PPP2R5D: variants seen among roughly 807,000 people sequenced by gnomAD.
The protein encoded by PPP2R5D is protein phosphatase 2 regulatory subunit B'delta, also known as serine/threonine-protein phosphatase 2A 56 kDa regulatory subunit delta isoform.
PPP2R5D carries 12 observed loss-of-function variants against 79.1 expected under a neutral mutation model. The observed-to-expected ratio is 0.15, with a 90% CI of 0.10 to 0.25. The LOEUF (loss-of-function observed/expected upper bound fraction) is 0.25, where lower values mean the gene tolerates loss of function less well. Among genes scored for constraint, PPP2R5D ranks in the 10% least tolerant of loss-of-function variants. PPP2R5D has a pLI of 1.00. For missense variants in PPP2R5D, 419 were observed against 760.2 expected, an observed-to-expected ratio of 0.55 and a Z score of 5.28; for synonymous variants, 277 against 286.6, an observed-to-expected ratio of 0.97 and a Z score of 0.34.
rs535811354 is a variant in PPP2R5D at position 43,007,098 on chromosome 6, G to A, written c.510G>A (p.Glu170=). The change falls in exon 4 of 16, where the codon GAG becomes GAA. Residue 170 remains glutamate (E), a synonymous_variant. Coordinates refer to ENST00000485511, the MANE Select transcript of PPP2R5D (RefSeq NM_006245.4). The surrounding 1 kb of genome is among the most constrained non-coding windows in gnomAD (Gnocchi z 4.5). ...RDVVTEAIYP[E]AVTMFSVNLF... ...TTGTCACTGAGGCCATTTACCCTGA[G>A]GCTGTCACCATGGTGGGCACAGGGA... 8.9e-5 allele frequency: 144 copies of A among 1,614,164 alleles called. 4 individuals carry two copies. The South Asian group carries it at 1.4e-3, about 16-fold the overall frequency.
At position 43,010,141 on chromosome 6, in the gene PPP2R5D, T is replaced by C. The variant is rs1193908128; in HGVS notation, c.1380-327T>C. On this transcript the variant is annotated intron_variant, in intron 12 of 15. Transcript: ENST00000485511. This position sits in a 1 kb window ranked among gnomAD's most constrained non-coding sequence, Gnocchi z 4.7. ...CACACTGTGGTGTAGATGCAGTCTG[T>C]CATGCTGCATCTACATGCCCATCAT... Among the ~76,000 whole-genome samples, 2 of 152,146 alleles carry C rather than the reference T, an allele frequency of 1.3e-5. No individual in the cohort carries two copies. Among genetic ancestry groups the C allele is most frequent in the Admixed American group, 1.3e-4 (2 of 15,274 alleles).
chr6:42,991,504 C>T (rs956685339), intron 2 of PPP2R5D, among the ~76,000 whole-genome samples: 1 of 152,176 alleles, frequency 6.6e-6, no homozygotes, highest in African/African-American at 2.4e-5. Flanking sequence ...CCTGGTAGCG[C>T]TGGTAGCACC....
intron 2 of PPP2R5D, among the ~76,000 whole-genome samples, chr6:42,989,890 C>G (rs528340545): frequency 6.6e-6 from 1 of 152,324 alleles, no homozygotes; most frequent in East Asian, 1.9e-4. Flanking sequence ...TCTAGTTCTT[C>G]AGACTCCCCA....
At position 43,012,101 on chromosome 6, in the gene PPP2R5D, A is replaced by G. The variant is rs73733788; in HGVS notation, c.*815A>G. 355 of 667,854 alleles carry G rather than the reference A, an allele frequency of 5.3e-4. 2 individuals carry two copies. In the African/African-American group the frequency reaches 6.2e-3, roughly 12 times the overall value. 41.4% of individuals were successfully genotyped at this position (667,854 alleles called of 1,614,324 possible). A position where few individuals can be genotyped will look rare whatever the true frequency, so the allele number is the denominator to read the frequency against. ...CGGTGCCCCAAGCATGGCTCCTGCC[A>G]ACACCTATTTATTTCCTTGTTTGTG... On this transcript the variant is annotated 3_prime_UTR_variant, in exon 16 of 16. Coordinates refer to ENST00000485511, the MANE Select transcript of PPP2R5D (RefSeq NM_006245.4).
rs1762330691 is a variant in PPP2R5D, at chr6:43,011,091, C to T, written c.1672-58C>T. 6.8e-6 allele frequency: 11 copies of T among 1,612,232 alleles called. No individual in the cohort carries two copies. In the South Asian group the frequency reaches 1.2e-4, roughly 18 times the overall value. On this transcript the variant is annotated intron_variant, in intron 15 of 15. Coordinates refer to ENST00000485511, the MANE Select transcript of PPP2R5D (RefSeq NM_006245.4). ...AGAGCCAAAGAATAAGGGGACGGAACAATAGAATTCACTGGGAATTGGTCA... is the reference window on the plus strand; with the variant it reads ...AGAGCCAAAGAATAAGGGGACGGAATAATAGAATTCACTGGGAATTGGTCA...
At chr6:42,995,684 C>G (rs1321166752) in intron 2 of PPP2R5D, among the ~76,000 whole-genome samples, 1 of 151,524 alleles carries the variant, frequency 6.6e-6, no homozygotes, top group Non-Finnish European at 1.5e-5. Context: ...TCCCAAGTAG[C>G]TGGGACTACA....
intron 2 of PPP2R5D, among the ~76,000 whole-genome samples, chr6:43,003,574 T>C (rs893008408): frequency 6.6e-6 from 1 of 152,098 alleles, no homozygotes; most frequent in African/African-American, 2.4e-5. Flanking sequence ...GCAGAAGTAA[T>C]CTAATTCTAC....
chr6:43,002,962 A>G (rs1761840288), intron 2 of PPP2R5D, among the ~76,000 whole-genome samples: 1 of 152,134 alleles, frequency 6.6e-6, no homozygotes, highest in African/African-American at 2.4e-5. Flanking sequence ...GTTTGGGGGC[A>G]AGGGCTGTCC....
intron 2 of PPP2R5D, among the ~76,000 whole-genome samples, chr6:42,991,509 A>G (rs1771262640): frequency 6.6e-6 from 1 of 152,174 alleles, no homozygotes; most frequent in African/African-American, 2.4e-5. Context: ...TAGCGCTGGT[A>G]GCACCTAACC....
Position 43,010,340 on chromosome 6 carries a change from G to A in PPP2R5D, c.1380-128G>A. On this transcript the variant is annotated intron_variant, in intron 12 of 15. Transcript: ENST00000485511. The surrounding 1 kb of genome is among the most constrained non-coding windows in gnomAD (Gnocchi z 4.7). The stretch of plus-strand genomic sequence containing the variant: ...AGCTCTCTTCTGATACTGCACAGAG[G>A]TTTGTGAACTGGAAGTAGTAAATGA... 1 of 737,944 alleles carries A rather than the reference G, an allele frequency of 1.4e-6. No individual in the cohort carries two copies. Among genetic ancestry groups the A allele is most frequent in the East Asian group, 2.6e-5 (1 of 38,900 alleles). 45.7% of individuals were successfully genotyped at this position (737,944 alleles called of 1,614,324 possible).
intron 2 of PPP2R5D, among the ~76,000 whole-genome samples, chr6:42,998,057 ATTTTTTTTTTTTTTTTT>A (rs1163890447): frequency 3.9e-4 from 5 of 12,784 alleles, no homozygotes; most frequent in Non-Finnish European, 7.7e-4. Flanking sequence ...ATATATATAT[ATTTTTTTTTTTTTTTTT>A]TTTTTTTTTT....
chr6:43,008,920 A>G lies in PPP2R5D; in HGVS notation c.1081-137A>G. ...TATATACACCTAGGAAACAGATCCA[A>G]GGCAAAGAAACGGGTAGCTGGCTGA... On this transcript the variant is annotated intron_variant, in intron 10 of 15. Coordinates refer to ENST00000485511, the MANE Select transcript of PPP2R5D (RefSeq NM_006245.4). This position sits in a 1 kb window ranked among gnomAD's most constrained non-coding sequence, Gnocchi z 4.2. The G allele has an allele frequency of 7.9e-7, 1 of 1,270,602 alleles. No homozygotes were observed. Among genetic ancestry groups the G allele is most frequent in the South Asian group, 1.4e-5 (1 of 71,642 alleles). The allele number at this position is 1,270,602 out of a possible 1,614,324, so 78.7% of individuals were successfully genotyped here.
chr6:43,012,075 G>T lies in PPP2R5D; in HGVS notation c.*789G>T. 4.8e-6 allele frequency: 2 copies of T among 420,544 alleles called. No homozygotes were observed. Among genetic ancestry groups the T allele is most frequent in the Non-Finnish European group, 6.4e-6 (2 of 311,944 alleles). 26.1% of individuals were successfully genotyped at this position (420,544 alleles called of 1,614,324 possible). On this transcript the variant is annotated 3_prime_UTR_variant, in exon 16 of 16. Coordinates refer to ENST00000485511, the MANE Select transcript of PPP2R5D (RefSeq NM_006245.4). ...AAAACTAGAAAGAAGGAAGCAGGGAGCGGTGCCCCAAGCATGGCTCCTGCC... is the reference window on the plus strand; with the variant it reads ...AAAACTAGAAAGAAGGAAGCAGGGATCGGTGCCCCAAGCATGGCTCCTGCC...
Position 43,009,092 on chromosome 6 carries a change from C to G in PPP2R5D, c.1116C>G (p.Thr372=), listed in dbSNP as rs1762233973. The G allele has an allele frequency of 1.2e-6, 2 of 1,613,956 alleles. No individual in the cohort carries two copies. The highest frequency in any genetic ancestry group is 1.7e-6 in the Non-Finnish European group (2 of 1,180,000). Residue 372 remains threonine (T), a synonymous_variant, in exon 11 of 16, where the codon ACC becomes ACG. Coordinates refer to ENST00000485511, the MANE Select transcript of PPP2R5D (RefSeq NM_006245.4). The surrounding 1 kb of genome is among the most constrained non-coding windows in gnomAD (Gnocchi z 5.6). Reference sequence around the variant, plus strand: ...GACTTCTCAAGTTTTGGCCCAAGACCCACAGCCCCAAGGAGGTGATGTTCT... The same window carrying G: ...GACTTCTCAAGTTTTGGCCCAAGACGCACAGCCCCAAGGAGGTGATGTTCT... ...IVGLLKFWPK[T]HSPKEVMFLN... is the part of the protein sequence containing the mutation.
Position 42,984,742 on chromosome 6 carries a change from G to A in PPP2R5D, c.27+38G>A, listed in dbSNP as rs1254184611. On this transcript the variant is annotated intron_variant, in intron 1 of 15. Transcript: ENST00000485511. ...CTTTTTCCCCCACCGCCGCCTTGGA[G>A]CCTGCGCGGAGCTCTGGGAGGGGCC... 4 of 1,610,442 alleles carry A rather than the reference G, an allele frequency of 2.5e-6. No homozygotes were observed. In the East Asian group the frequency reaches 9.0e-5, roughly 36 times the overall value.
intron 2 of PPP2R5D, among the ~76,000 whole-genome samples, chr6:43,005,639 G>A (rs1055876397): frequency 7.9e-6 from 1 of 126,128 alleles, no homozygotes; most frequent in Non-Finnish European, 1.7e-5. Context: ...TTTTTTTTTT[G>A]AGACAAAGTC....
chr6:42,991,937 G>A (rs976860339), intron 2 of PPP2R5D, among the ~76,000 whole-genome samples: 37 of 152,184 alleles, frequency 2.4e-4, no homozygotes, highest in African/African-American at 8.9e-4. Context: ...GTATGAGATG[G>A]CAGCAGGAAT....
chr6:43,010,888 T>C lies in PPP2R5D; in HGVS notation c.1562T>C (p.Met521Thr). The change falls in exon 15 of 16, where the codon ATG becomes ACG. Residue 521 changes from methionine (M) to threonine (T), a missense_variant. Around this residue, in one of 5 missense-constraint regions of PPP2R5D, gnomAD observed 84 missense variants for 105.4 expected, o/e 0.80. Coordinates refer to ENST00000485511, the MANE Select transcript of PPP2R5D (RefSeq NM_006245.4). The surrounding 1 kb of genome is among the most constrained non-coding windows in gnomAD (Gnocchi z 4.7). ...ELARLNPQYPMFRAPPPLPPV... is the reference protein window; with the variant it reads ...ELARLNPQYPTFRAPPPLPPV... ...CCATGTCTCCTCACTCAGTATCCCA[T>C]GTTCCGAGCCCCTCCACCACTGCCC... is the stretch of plus-strand genomic sequence containing the variant. The C allele has an allele frequency of 2.5e-6, 4 of 1,613,428 alleles. No homozygotes were observed. The highest frequency in any genetic ancestry group is 3.4e-6 in the Non-Finnish European group (4 of 1,179,588).
intron 2 of PPP2R5D, among the ~76,000 whole-genome samples, chr6:43,005,207 T>A (rs1051006205): frequency 1.3e-5 from 2 of 151,842 alleles, no homozygotes; most frequent in African/African-American, 4.8e-5. Flanking sequence ...TTTTTTAATT[T>A]AGGATTTTTA....
Sources: allele counts gnomAD v4.1 joint callset (sites outside exome capture counted in the v4.1 genomes callset), GRCh38; gene constraint gnomAD v4.1.1; regional missense constraint gnomAD v4.1.1; non-coding constraint Gnocchi (gnomAD v3.1); transcripts MANE v1.5; gene names NCBI Gene and HGNC (gene_info 2026-07-23, HGNC 2026-07-21).